STAU1: variants seen among roughly 807,000 people sequenced by gnomAD.
The protein encoded by STAU1 is staufen double-stranded RNA binding protein 1.
A neutral mutation model predicts 62.9 loss-of-function variants in STAU1; 13 were observed. The observed-to-expected ratio is 0.21, with a 90% CI of 0.13 to 0.33. STAU1 has a LOEUF of 0.33. Ranked by LOEUF, STAU1 falls within the 10% of genes least tolerant of loss-of-function variation. The probability of loss-of-function intolerance (pLI) is 1.00; values close to 1 mark genes in which losing one functional copy is unlikely to be tolerated. For synonymous variants in STAU1, 269 were observed against 265.1 expected, an observed-to-expected ratio of 1.01 and a Z score of -0.14; for missense variants, 571 against 712.1, an observed-to-expected ratio of 0.80 and a Z score of 2.25.
At chr20:49,150,301 C>T (rs144006673) in intron 5 of STAU1, among the ~76,000 whole-genome samples, 184 of 152,136 alleles carry the variant, frequency 1.2e-3, no homozygotes, top group African/African-American at 4.2e-3. Context: ...ATATTGTGAA[C>T]GTACTAAAAT....
chr20:49,190,755 G>A (rs2093830122), upstream of STAU1, among the ~76,000 whole-genome samples: 1 of 152,120 alleles, frequency 6.6e-6, no homozygotes, highest in African/African-American at 2.4e-5. Flanking sequence ...AGAAAAAGAT[G>A]GAAGCTGTGT....
At chr20:49,207,691 A>ATT in the STAU1 span, among the ~76,000 whole-genome samples, 743 of 148,924 alleles carry the variant, frequency 5.0e-3, 3 homozygotes, top group Admixed American at 0.011. Context: ...AATTTTTTGT[A>ATT]TTTTTTTTTT....
intron 5 of STAU1, among the ~76,000 whole-genome samples, chr20:49,140,423 ATGAC>A (rs1477890991): frequency 6.6e-6 from 1 of 152,204 alleles, no homozygotes; most frequent in Non-Finnish European, 1.5e-5. Flanking sequence ...CCATCAACAG[ATGAC>A]TGGAAAAACA....
chr20:49,155,645 T>A (rs563844835), intron 3 of STAU1, among the ~76,000 whole-genome samples: 90 of 152,328 alleles, frequency 5.9e-4, no homozygotes, highest in African/African-American at 2.0e-3. Context: ...AATGCATGAA[T>A]CAAATCTATA....
chr20:49,126,577 A>AAAAAAAAAAAACAAAAAAAAAAAC (rs1555837188), intron 6 of STAU1, among the ~76,000 whole-genome samples: 4,934 of 33,410 alleles, frequency 0.15, 392 homozygotes, highest in Middle Eastern at 0.19. Flanking sequence ...CAAAAAGCAA[A>AAAAAAAAAAAACAAAAAAAAAAAC]AAAAAAAAAA....
chr20:49,115,998 C>A, intron 12 of STAU1, 131 bp from the exon 13 acceptor site: 3 of 630,858 alleles, frequency 4.8e-6, no homozygotes, highest in Non-Finnish European at 5.6e-6. Flanking sequence ...TCTGGTACTA[C>A]TAAATAAAAC....
chr20:49,123,393 G>A (rs1250518009), intron 7 of STAU1, among the ~76,000 whole-genome samples, 158 bp from the exon 8 acceptor site: 1 of 152,098 alleles, frequency 6.6e-6, no homozygotes, highest in Non-Finnish European at 1.5e-5. Context: ...ATGAAAAGAT[G>A]CTTTATTTTT....
At chr20:49,193,013 T>G (rs2093833149), upstream of STAU1, among the ~76,000 whole-genome samples, 1 of 152,166 alleles carries the variant, frequency 6.6e-6, no homozygotes, top group African/African-American at 2.4e-5. Context: ...GCCTGATTAG[T>G]TCCACAATCA....
intron 1 of STAU1, chr20:49,179,124 G>C: frequency 6.6e-6 from 1 of 150,906 alleles, no homozygotes; most frequent in Non-Finnish European, 1.5e-5. Flanking sequence ...GTACGCACCT[G>C]TAATCTCAGC....
At chr20:49,153,137 C>A (rs1351088554) in intron 4 of STAU1, among the ~76,000 whole-genome samples, 1 of 151,018 alleles carries the variant, frequency 6.6e-6, no homozygotes, top group East Asian at 2.0e-4. Context: ...GTAGTCCCAG[C>A]TACTTGGGAG....
chr20:49,211,518 C>CT, the STAU1 span, among the ~76,000 whole-genome samples: 1 of 151,226 alleles, frequency 6.6e-6, no homozygotes, highest in Non-Finnish European at 1.5e-5. Context: ...TTTTTCTTTT[C>CT]TTTTTTGGAA....
upstream of STAU1, among the ~76,000 whole-genome samples, chr20:49,190,800 A>G (rs1232160568): frequency 2.0e-5 from 3 of 152,062 alleles, no homozygotes; most frequent in South Asian, 4.1e-4. Flanking sequence ...AGCATTAAGT[A>G]TGTTACGATA....
chr20:49,182,732 G>A (rs569315586), intron 1 of STAU1, among the ~76,000 whole-genome samples: 1 of 151,652 alleles, frequency 6.6e-6, no homozygotes, highest in Non-Finnish European at 1.5e-5. Context: ...CCAGCTACTC[G>A]AGAGGCTGAG....
chr20:49,192,639 A>T (rs1222889312), upstream of STAU1, among the ~76,000 whole-genome samples: 1 of 151,618 alleles, frequency 6.6e-6, no homozygotes, highest in Non-Finnish European at 1.5e-5. Context: ...CTACAAAAAA[A>T]GTACAAAAAT....
At chr20:49,197,257 G>A in the STAU1 span, among the ~76,000 whole-genome samples, 1 of 139,702 alleles carries the variant, frequency 7.2e-6, no homozygotes, top group Non-Finnish European at 1.5e-5. Flanking sequence ...ATGATCAGTA[G>A]TTAAGAAAAA....
intron 1 of STAU1, among the ~76,000 whole-genome samples, chr20:49,180,536 C>T (rs780280927): frequency 6.6e-6 from 1 of 152,188 alleles, no homozygotes; most frequent in African/African-American, 2.4e-5. Flanking sequence ...GTTGGCCAGG[C>T]TGGTCTCGAA....
chr20:49,113,939 TAACA>T lies in STAU1; in HGVS notation c.*935_*938del, dbSNP rs1717795702. On this transcript the variant is annotated 3_prime_UTR_variant, in exon 14 of 14. Coordinates refer to ENST00000371856, the MANE Select transcript of STAU1 (RefSeq NM_017453.4). Reference sequence around the variant, plus strand: ...AAGTTCATTTAAGTCCTGTTTGCATTAACAAAAATAAAAATGAAATAAAAATGGA... The same window carrying T: ...AAGTTCATTTAAGTCCTGTTTGCATTAAAATAAAAATGAAATAAAAATGGA... The T allele has an allele frequency of 6.6e-6, 1 of 152,618 alleles. No homozygotes were observed. 9.5% of individuals were successfully genotyped at this position (152,618 alleles called of 1,614,324 possible). A position where few individuals can be genotyped will look rare whatever the true frequency, so the allele number is the denominator to read the frequency against.
At position 49,134,050 on chromosome 20, in the gene STAU1, A is replaced by G. The variant is rs140281448; in HGVS notation, c.609+1783T>C. 2.0e-3 allele frequency among the ~76,000 whole-genome samples: 305 copies of G among 152,332 alleles called. 1 individual carries two copies. The highest frequency in any genetic ancestry group is 7.0e-3 in the African/African-American group (290 of 41,586). On this transcript the variant is annotated intron_variant, in intron 6 of 13. Coordinates refer to ENST00000371856, the MANE Select transcript of STAU1 (RefSeq NM_017453.4). ...AAGCTTCAGATAGGCTTTTTAAGAA[A>G]TAAGCCATAATCAAGCACGTAAATC...
At chr20:49,210,516 A>G in the STAU1 span, 3 of 455,478 alleles carry the variant, frequency 6.6e-6, no homozygotes, top group Non-Finnish European at 1.3e-5. Flanking sequence ...GTGGTGGGGG[A>G]AAATTCTACA....
Sources: gnomAD v4.1 joint callset for allele counts (sites outside exome capture counted in the v4.1 genomes callset) on GRCh38, gnomAD v4.1.1 for gene constraint, MANE v1.5 for transcripts, NCBI Gene and HGNC (gene_info 2026-07-23, HGNC 2026-07-21) for gene names.